The following AKR1B15 variants were observed in gnomAD, a reference collection of about 807,000 sequenced individuals.
AKR1B15 encodes aldo-keto reductase family 1 member B15, also known as estradiol 17-beta-dehydrogenase AKR1B15.
Under a neutral mutation model 38.5 loss-of-function variants are expected in AKR1B15, and 49 were observed. The observed-to-expected ratio is 1.27, with a 90% confidence interval of 1.01 to 1.62. AKR1B15 has a LOEUF of 1.62. Ranked by LOEUF, AKR1B15 falls within the 40% of genes most tolerant of loss-of-function variation. The pLI is 0.00. For synonymous variants in AKR1B15, 137 were observed against 135.5 expected (o/e 1.01, Z -0.08); for missense variants, 411 against 381.6 (o/e 1.08, Z -0.64).
intron 2 of AKR1B15, among the ~76,000 whole-genome samples, chr7:134,562,615 G>C (rs918058892): frequency 6.6e-6 from 1 of 152,088 alleles, no homozygotes; most frequent in Non-Finnish European, 1.5e-5. Flanking sequence ...CCTAGCTACA[G>C]AGTGCTGATT....
intron 6 of AKR1B15, among the ~76,000 whole-genome samples, chr7:134,572,666 C>G (rs1444926233): frequency 1.3e-5 from 2 of 151,780 alleles, no homozygotes; most frequent in East Asian, 3.9e-4. Context: ...AATCAGGGAG[C>G]CTGAGTGCCC....
intron 1 of AKR1B15, among the ~76,000 whole-genome samples, chr7:134,556,050 C>T (rs188087635): frequency 6.6e-6 from 1 of 152,292 alleles, no homozygotes; most frequent in Admixed American, 6.5e-5. Flanking sequence ...AATGGTATTA[C>T]AGCATGTCAT....
At chr7:134,577,662 A>T (rs374175064) in intron 10 of AKR1B15, 42 bp from the exon 11 acceptor site, 450 of 1,599,360 alleles carry the variant, frequency 2.8e-4, no homozygotes, top group Non-Finnish European at 3.7e-4. Flanking sequence ...CCACAGCAGT[A>T]ACAGCCTTAC....
chr7:134,556,386 G>C (rs1162017835), intron 1 of AKR1B15, among the ~76,000 whole-genome samples: 1 of 152,182 alleles, frequency 6.6e-6, no homozygotes, highest in Non-Finnish European at 1.5e-5. Flanking sequence ...ATTAGGAGTA[G>C]AAGCCATGCT....
chr7:134,556,486 G>A (rs1794200722), intron 1 of AKR1B15, among the ~76,000 whole-genome samples: 1 of 152,072 alleles, frequency 6.6e-6, no homozygotes, highest in Non-Finnish European at 1.5e-5. Flanking sequence ...ATTAGCGCAA[G>A]GTATAACTTA....
intron 3 of AKR1B15, among the ~76,000 whole-genome samples, chr7:134,567,432 T>TC (rs1562948912): frequency 1.3e-5 from 2 of 152,174 alleles, no homozygotes; most frequent in Admixed American, 1.3e-4. Context: ...CTCCTTTTTT[T>TC]CCAAAATGAT....
intron 1 of AKR1B15, among the ~76,000 whole-genome samples, chr7:134,550,040 C>T (rs536828718): frequency 3.9e-5 from 6 of 152,240 alleles, no homozygotes; most frequent in South Asian, 2.1e-4. Context: ...AGATTGCTGG[C>T]GTTTGGATTG....
Position 134,579,615 on chromosome 7 carries a change from C to T in AKR1B15, c.*66C>T, listed in dbSNP as rs1794841064. ...CTTCGCTGAAGTGTGACTGTCTCCA[C>T]TCAAGAACTATTTTAGCCAAGCTTA... On this transcript the variant is annotated 3_prime_UTR_variant, in exon 12 of 12. Coordinates refer to ENST00000457545, the MANE Select transcript of AKR1B15 (RefSeq NM_001080538.3). The T allele has an allele frequency of 4.2e-6, 6 of 1,412,050 alleles. No homozygotes were observed. The highest frequency in any genetic ancestry group is 5.8e-6 in the Non-Finnish European group (6 of 1,038,228). The allele number at this position is 1,412,050 out of a possible 1,614,324, so 87.5% of individuals were successfully genotyped here. A position where few individuals can be genotyped will look rare whatever the true frequency, so the allele number is the denominator to read the frequency against.
At chr7:134,572,782 T>A (rs902037206) in intron 6 of AKR1B15, among the ~76,000 whole-genome samples, 6 of 152,202 alleles carry the variant, frequency 3.9e-5, no homozygotes, top group Non-Finnish European at 8.8e-5. Flanking sequence ...CATTATGTCC[T>A]TTTGCAAATG....
In AKR1B15 at chr7:134,579,490, T is replaced by TC. The variant is rs1554404422; in HGVS notation, c.993-17_993-16insC. On this transcript the variant is annotated splice_polypyrimidine_tract_variant and intron_variant, in intron 11 of 11. Transcript: ENST00000457545. ...TGATGGAACACAGTTTCTTTTTTTT[T>TC]TTCTCTCTCTCTGTAGATTCTCTCA... is the stretch of plus-strand genomic sequence containing the variant. The TC allele has an allele frequency of 1.3e-6, 2 of 1,568,826 alleles. No individual in the cohort carries two copies. The highest frequency in any genetic ancestry group is 1.4e-5 in the African/African-American group (1 of 71,508).
In AKR1B15 at chr7:134,568,254, G is replaced by A; in HGVS notation, c.247G>A (p.Val83Met). Reference protein sequence around the residue: ...CAYFYENQHEVGEAIQEKIQE... With the variant: ...CAYFYENQHEMGEAIQEKIQE... ...CTATTTCTATGAGAATCAACATGAG[G>A]TGGGAGAAGCCATCCAAGAGAAGAT... Residue 83 changes from valine (V) to methionine (M), a missense_variant, in exon 4 of 12, where the codon GTG (valine) becomes ATG (methionine). Physicochemically the swap from Val to Met is conservative, Grantham distance 21 (BLOSUM62 1). Coordinates refer to ENST00000457545, the MANE Select transcript of AKR1B15 (RefSeq NM_001080538.3). 1.9e-6 allele frequency: 3 copies of A among 1,614,146 alleles called. No individual in the cohort carries two copies. Among genetic ancestry groups the A allele is most frequent in the Non-Finnish European group, 1.7e-6 (2 of 1,179,994 alleles).
chr7:134,576,379 G>C lies in AKR1B15; in HGVS notation c.774G>C (p.Glu258Asp). The part of the protein sequence containing the change: ...WAKPEDPSLL[E>D]DPKIKEIAAK... ...AACCTGAGGACCCTTCCCTGCTGGA[G>C]GATCCCAAGATTAAGGAGATTGCTG... Residue 258 changes from glutamate (E) to aspartate (D), a missense_variant, in exon 9 of 12, where the codon GAG becomes GAC. Glu to Asp is a conservative substitution (Grantham distance 45). Around this residue, in one of 3 missense-constraint regions of AKR1B15, gnomAD observed 133 missense variants for 120.3 expected, o/e 1.11. Coordinates refer to ENST00000457545, the MANE Select transcript of AKR1B15 (RefSeq NM_001080538.3). 1 of 1,614,132 alleles carries C rather than the reference G, an allele frequency of 6.2e-7. No individual in the cohort carries two copies. Among genetic ancestry groups the C allele is most frequent in the Non-Finnish European group, 8.5e-7 (1 of 1,179,988 alleles).
intron 6 of AKR1B15, 81 bp downstream of exon 6, chr7:134,571,762 A>T: frequency 9.7e-7 from 1 of 1,035,790 alleles, no homozygotes; most frequent in Non-Finnish European, 1.5e-6. Context: ...GAAAGAGGCC[A>T]TGTGCCTGAT....
intron 1 of AKR1B15, among the ~76,000 whole-genome samples, chr7:134,554,015 C>T (rs550715031): frequency 2.9e-4 from 44 of 151,642 alleles, no homozygotes; most frequent in African/African-American, 1.0e-3. Flanking sequence ...AATGTATTAA[C>T]ATCTACACTG....
chr7:134,562,402 T>G (rs769143648), intron 2 of AKR1B15, among the ~76,000 whole-genome samples: 6 of 150,990 alleles, frequency 4.0e-5, no homozygotes, highest in Non-Finnish European at 8.9e-5. Context: ...TTCCTGTTGA[T>G]TGGTCCATTT....
At chr7:134,568,729 C>A (rs528545450) in intron 4 of AKR1B15, among the ~76,000 whole-genome samples, 1 of 152,258 alleles carries the variant, frequency 6.6e-6, no homozygotes, top group Admixed American at 6.5e-5. Flanking sequence ...ACAGTAGGAG[C>A]ACTTTTCTAT....
At chr7:134,578,502 A>AT (rs1469176380) in intron 11 of AKR1B15, among the ~76,000 whole-genome samples, 1 of 152,170 alleles carries the variant, frequency 6.6e-6, no homozygotes. Context: ...TAAATCTCAG[A>AT]TAAGTTGTTG....
chr7:134,568,091 AAC>A, intron 3 of AKR1B15, 65 bp from the exon 4 acceptor site: 1 of 1,583,238 alleles, frequency 6.3e-7, no homozygotes, highest in Non-Finnish European at 8.6e-7. Context: ...CAGCCTGGGC[AAC>A]ATGGCAAGGT....
chr7:134,573,424 T>A, intron 6 of AKR1B15: 1 of 985,414 alleles, frequency 1.0e-6, no homozygotes, highest in Non-Finnish European at 1.2e-6. Flanking sequence ...CTCACAGTGC[T>A]ATGTTTTCTT....
Sources: allele counts gnomAD v4.1 joint callset (sites outside exome capture counted in the v4.1 genomes callset), GRCh38; gene constraint gnomAD v4.1.1; regional missense constraint gnomAD v4.1.1; transcripts MANE v1.5; gene names NCBI Gene and HGNC (gene_info 2026-07-23, HGNC 2026-07-21).